SCUBE2: variants seen among roughly 807,000 people sequenced by gnomAD.
SCUBE2 encodes signal peptide, CUB and EGF-like domain-containing protein 2.
Under a neutral mutation model 125.9 loss-of-function variants are expected in SCUBE2, and 114 were observed. The observed-to-expected ratio is 0.91, with a 90% confidence interval of 0.78 to 1.06. The LOEUF (loss-of-function observed/expected upper bound fraction) is 1.06. Among genes scored for constraint, SCUBE2 ranks in the 50% least tolerant of loss-of-function variants. The probability of loss-of-function intolerance (pLI) is 0.00; values close to 1 mark genes in which losing one functional copy is unlikely to be tolerated. For missense variants in SCUBE2, 1,255 were observed against 1,301.8 expected, an observed-to-expected ratio of 0.96 and a Z score of 0.55; for synonymous variants, 459 against 492.9, an observed-to-expected ratio of 0.93 and a Z score of 0.91.
In SCUBE2 at chr11:9,055,909, T is replaced by C. The variant is rs1214083911; in HGVS notation, c.1091A>G (p.Asp364Gly). 1 of 1,612,864 alleles carries C rather than the reference T, an allele frequency of 6.2e-7. No individual in the cohort carries two copies. Among genetic ancestry groups the C allele is most frequent in the East Asian group, 2.2e-5 (1 of 44,880 alleles). ...KLLTDEKSCQ[D>G]VDECSLDRTC... ...CCTATCCAAAGAGCACTCATCCACA[T>C]CTGTAATGGTCAAAGGGAGAGGGGA... Residue 364 changes from aspartate (D) to glycine (G), a missense_variant and splice_region_variant, in exon 10 of 23, where the codon GAT (aspartate) becomes GGT (glycine). Transcript: ENST00000649792.
chr11:9,059,660 T>C (rs1010766100), intron 8 of SCUBE2: 5 of 523,948 alleles, frequency 9.5e-6, no homozygotes, highest in Middle Eastern at 4.7e-4. Flanking sequence ...ATGATGCCCT[T>C]GATTGGCATT....
rs1860274662 is a variant in SCUBE2, at chr11:9,066,738, T to C, written c.719A>G (p.His240Arg). ...ATCTGTGTGCATCTTGTACTGTGGA[T>C]GGCAGCTGCACTCTGGGCCATCGGC... ...DTADGPECSC[H>R]PQYKMHTDGR... is the part of the protein sequence containing the mutation. Residue 240 changes from histidine to arginine, a missense_variant, in exon 6 of 23, where the codon CAT (histidine) becomes CGT (arginine). His to Arg is a conservative substitution (Grantham distance 29). Transcript: ENST00000649792. The C allele has an allele frequency of 6.2e-7, 1 of 1,614,184 alleles. No homozygotes were observed. Among genetic ancestry groups the C allele is most frequent in the South Asian group, 1.1e-5 (1 of 91,064 alleles).
chr11:9,058,619 AAAAAAAAAAAAT>A (rs1258979830), intron 9 of SCUBE2, among the ~76,000 whole-genome samples: 6 of 119,368 alleles, frequency 5.0e-5, no homozygotes, highest in Non-Finnish European at 9.1e-5. Context: ...AAAAAAAAAA[AAAAAAAAAAAAT>A]TCAGAAATTA....
intron 21 of SCUBE2, among the ~76,000 whole-genome samples, chr11:9,022,223 A>G (rs1389198542): frequency 6.6e-6 from 1 of 152,036 alleles, no homozygotes; most frequent in African/African-American, 2.4e-5. Context: ...CCCTCCACTT[A>G]GCATGCCAGG....
rs755819377 is a variant in SCUBE2 at position 9,060,402 on chromosome 11, G to A, written c.967+6C>T. On this transcript the variant is annotated splice_donor_region_variant and intron_variant, in intron 8 of 22. Coordinates refer to ENST00000649792, the MANE Select transcript of SCUBE2 (RefSeq NM_001367977.2). ...CACCCAGTCTCCCTGGGGAGGTGAAGGCTACCTTTACATGTCTTCCCATCC... is the reference window on the plus strand; with the variant it reads ...CACCCAGTCTCCCTGGGGAGGTGAAAGCTACCTTTACATGTCTTCCCATCC... 5.6e-6 allele frequency: 9 copies of A among 1,609,898 alleles called. No homozygotes were observed. The highest frequency in any genetic ancestry group is 7.7e-6 in the Non-Finnish European group (9 of 1,176,324).
At chr11:9,054,719 ATATATATTTTTTTTTT>A in intron 10 of SCUBE2, among the ~76,000 whole-genome samples, 1 of 60,554 alleles carries the variant, frequency 1.7e-5, no homozygotes, top group Non-Finnish European at 3.0e-5. Context: ...ATATATATAT[ATATATATTTTTTTTTT>A]TTTTTTTTTT....
At chr11:9,040,855 C>G (rs897544261) in intron 16 of SCUBE2, among the ~76,000 whole-genome samples, 1 of 152,210 alleles carries the variant, frequency 6.6e-6, no homozygotes, top group Admixed American at 6.5e-5. Context: ...TTGTTTATTT[C>G]TGGAATTTTC....
At chr11:9,039,093 G>C (rs1818590236) in intron 16 of SCUBE2, among the ~76,000 whole-genome samples, 2 of 152,044 alleles carry the variant, frequency 1.3e-5, no homozygotes, top group African/African-American at 4.8e-5. Context: ...CTGGGCTCAA[G>C]TGGTCCTCTG....
chr11:9,065,430 C>A (rs1860117701), intron 7 of SCUBE2, among the ~76,000 whole-genome samples: 2 of 152,106 alleles, frequency 1.3e-5, no homozygotes, highest in South Asian at 4.1e-4. Context: ...CTTTGCCTTC[C>A]ACCATGATTA....
At chr11:9,040,358 G>A (rs996376120) in intron 16 of SCUBE2, among the ~76,000 whole-genome samples, 11 of 152,158 alleles carry the variant, frequency 7.2e-5, no homozygotes, top group Non-Finnish European at 2.9e-5. Context: ...TTATAGTACC[G>A]TACTCACCCT....
rs1458256522 is a variant in SCUBE2, at chr11:9,027,539, C to T, written c.2526G>A (p.Leu842=). 1.2e-6 allele frequency: 2 copies of T among 1,613,710 alleles called. No homozygotes were observed. Among genetic ancestry groups the T allele is most frequent in the Admixed American group, 3.3e-5 (2 of 59,980 alleles). ...ATTCAATGTACCCAGTGAAATCTCC[C>T]AGCTCCCCTCCACATCTTCTGTCTG... The part of the protein sequence containing the change: ...QCKNRRCGGE[L]GDFTGYIESP... The change falls in exon 20 of 23, where the codon CTG becomes CTA. Residue 842 remains leucine (L), a synonymous_variant. Transcript: ENST00000649792.
At chr11:9,060,770 TC>T (rs1180298011) in intron 7 of SCUBE2, among the ~76,000 whole-genome samples, 2 of 152,138 alleles carry the variant, frequency 1.3e-5, no homozygotes, top group South Asian at 2.1e-4. Context: ...GCAGAGCCAC[TC>T]CCCCTACTGG....
chr11:9,076,063 G>A (rs1861190084), intron 3 of SCUBE2, among the ~76,000 whole-genome samples: 1 of 152,220 alleles, frequency 6.6e-6, no homozygotes, highest in Non-Finnish European at 1.5e-5. Flanking sequence ...TGGGGAGCTT[G>A]GAAGAGAATC....
chr11:9,062,369 A>G (rs1859764955), intron 7 of SCUBE2, among the ~76,000 whole-genome samples: 1 of 152,222 alleles, frequency 6.6e-6, no homozygotes, highest in East Asian at 1.9e-4. Flanking sequence ...AAGCAAAAAG[A>G]CCTAACGATA....
At chr11:9,059,630 C>T (rs889714867) in intron 8 of SCUBE2, 1 of 633,904 alleles carries the variant, frequency 1.6e-6, no homozygotes, top group Non-Finnish European at 2.6e-6. Context: ...AGTGTTTCAT[C>T]GTCTTGAGAA....
chr11:9,059,909 A>C (rs1170557026), intron 8 of SCUBE2, among the ~76,000 whole-genome samples: 1 of 152,188 alleles, frequency 6.6e-6, no homozygotes, highest in Non-Finnish European at 1.5e-5. Context: ...GCAATTGGTT[A>C]TCTACTTTTT....
chr11:9,066,016 G>A, intron 6 of SCUBE2, 36 bp from the exon 7 acceptor site: 1 of 1,449,750 alleles, frequency 6.9e-7, no homozygotes. Context: ...TTCTCAGACT[G>A]AATGAGTTAG....
chr11:9,051,182 T>TTATCTATCTATC (rs60575374), intron 13 of SCUBE2, among the ~76,000 whole-genome samples: 53 of 142,602 alleles, frequency 3.7e-4, no homozygotes, highest in Admixed American at 7.0e-4. Context: ...AAACAAAAAA[T>TTATCTATCTATC]TATCTATCTA....
intron 16 of SCUBE2, among the ~76,000 whole-genome samples, chr11:9,041,495 T>C (rs1365268161): frequency 6.6e-6 from 1 of 152,112 alleles, no homozygotes; most frequent in African/African-American, 2.4e-5. Context: ...CAGTGAGGTA[T>C]GGAGAAGCAG....
Sources: allele counts gnomAD v4.1 joint callset (sites outside exome capture counted in the v4.1 genomes callset), GRCh38; gene constraint gnomAD v4.1.1; transcripts MANE v1.5; gene names NCBI Gene and HGNC (gene_info 2026-07-23, HGNC 2026-07-21).